Variants in IL4R observed in about 807,000 individuals in gnomAD.
The protein encoded by IL4R is interleukin-4 receptor subunit alpha.
A neutral mutation model predicts 41.5 loss-of-function variants in IL4R; 17 were observed. The observed-to-expected ratio is 0.41, with a 90% CI of 0.28 to 0.61. The LOEUF (loss-of-function observed/expected upper bound fraction) is 0.61. IL4R is among the 20% of genes least tolerant of loss of function. The pLI is 0.31. For missense variants in IL4R, 974 were observed against 1,043.1 expected (o/e 0.93, Z 0.91); for synonymous variants, 402 against 422.9 (o/e 0.95, Z 0.61).
chr16:27,320,572 C>T (rs1055694737), intron 1 of IL4R, among the ~76,000 whole-genome samples: 3 of 152,184 alleles, frequency 2.0e-5, no homozygotes, highest in South Asian at 2.1e-4. Context: ...CCCAGGGCTA[C>T]AGACCCAGAA....
At chr16:27,351,436 G>A (rs1289339561) in intron 6 of IL4R, among the ~76,000 whole-genome samples, 3 of 151,688 alleles carry the variant, frequency 2.0e-5, no homozygotes, top group African/African-American at 7.3e-5. Flanking sequence ...ACACAAAGAT[G>A]TGATTCAAAG....
rs780936509 is a variant in IL4R at position 27,361,044 on chromosome 16, G to A, written c.899+229G>A. On this transcript the variant is annotated intron_variant, in intron 10 of 10. Coordinates refer to ENST00000395762, the MANE Select transcript of IL4R (RefSeq NM_000418.4). ...AGGTACATGGTGATACCCCTTGGGA[G>A]TGCTGTTATAGTTAACAACCAGAGC... The A allele has an allele frequency of 5.6e-6, 8 of 1,420,202 alleles. No homozygotes were observed. The South Asian group carries it at 1.1e-4, about 19-fold the overall frequency. 88.0% of individuals were successfully genotyped at this position (1,420,202 alleles called of 1,614,324 possible).
At chr16:27,320,780 A>C (rs2084790861) in intron 1 of IL4R, among the ~76,000 whole-genome samples, 1 of 152,082 alleles carries the variant, frequency 6.6e-6, no homozygotes, top group African/African-American at 2.4e-5. Context: ...TCTAGGGAGG[A>C]GAGGCACCAG....
At chr16:27,333,131 A>G (rs1196870560) in intron 2 of IL4R, among the ~76,000 whole-genome samples, 1 of 151,290 alleles carries the variant, frequency 6.6e-6, no homozygotes, top group Non-Finnish European at 1.5e-5. Context: ...AGGAGAATGT[A>G]TATTCTGCTG....
chr16:27,347,144 A>G (rs1467655876), intron 6 of IL4R, among the ~76,000 whole-genome samples: 1 of 152,196 alleles, frequency 6.6e-6, no homozygotes, highest in Non-Finnish European at 1.5e-5. Flanking sequence ...GTTGTTCCCC[A>G]TGGAAGCTGG....
At chr16:27,356,012 G>A (rs1004173948) in intron 8 of IL4R, 105 bp downstream of exon 8, 2 of 727,096 alleles carry the variant, frequency 2.8e-6, no homozygotes, top group Non-Finnish European at 2.4e-6. Context: ...TCAATAATAC[G>A]CATTTACTGA....
At chr16:27,352,073 G>A (rs3024688) in intron 6 of IL4R, among the ~76,000 whole-genome samples, 5 of 152,252 alleles carry the variant, frequency 3.3e-5, no homozygotes, top group Non-Finnish European at 7.4e-5. Context: ...AGTGCTTTTT[G>A]TATACCAAAC....
chr16:27,325,299 C>G (rs2084927329), intron 1 of IL4R, among the ~76,000 whole-genome samples: 1 of 152,126 alleles, frequency 6.6e-6, no homozygotes, highest in African/African-American at 2.4e-5. Context: ...CTGCCAGACG[C>G]AGTGGCTCAC....
At position 27,344,862 on chromosome 16, in the gene IL4R, T is replaced by TATCC. The variant is rs1209490067; in HGVS notation, c.210-7_210-6insATCC. ...TGACCAGCCTAACCCAGCCCCTGTGTCTGCAGAGCCCACACGTGTATCCCT... is the reference window on the plus strand; with the variant it reads ...TGACCAGCCTAACCCAGCCCCTGTGTATCCCTGCAGAGCCCACACGTGTATCCCT... On this transcript the variant is annotated splice_region_variant and splice_polypyrimidine_tract_variant and intron_variant, in intron 4 of 10. Coordinates refer to ENST00000395762, the MANE Select transcript of IL4R (RefSeq NM_000418.4). 1 of 1,613,914 alleles carries TATCC rather than the reference T, an allele frequency of 6.2e-7. No individual in the cohort carries two copies. Among genetic ancestry groups the TATCC allele is most frequent in the Non-Finnish European group, 8.5e-7 (1 of 1,179,988 alleles).
chr16:27,334,123 C>G (rs2085188548), intron 2 of IL4R, among the ~76,000 whole-genome samples: 1 of 152,112 alleles, frequency 6.6e-6, no homozygotes, highest in African/African-American at 2.4e-5. Context: ...ACCTCATGAT[C>G]TGCCTGCCTC....
chr16:27,348,767 C>T (rs1189785494), intron 6 of IL4R, among the ~76,000 whole-genome samples: 4 of 152,294 alleles, frequency 2.6e-5, no homozygotes, highest in Non-Finnish European at 5.9e-5. Flanking sequence ...ACATACCTGC[C>T]TCTAGGGCTG....
chr16:27,324,750 C>T (rs1002342764), intron 1 of IL4R, among the ~76,000 whole-genome samples: 17 of 152,218 alleles, frequency 1.1e-4, no homozygotes, highest in Admixed American at 7.2e-4. Flanking sequence ...TCCAGGATCC[C>T]GGATGGAGTT....
intron 7 of IL4R, chr16:27,355,448 A>G (rs2086030043): frequency 9.6e-6 from 3 of 313,830 alleles, no homozygotes; most frequent in South Asian, 8.6e-5. Flanking sequence ...CATAGTACAG[A>G]TGAGGATGCG....
intron 1 of IL4R, among the ~76,000 whole-genome samples, chr16:27,328,124 C>T (rs2085011506): frequency 6.7e-6 from 1 of 148,688 alleles, no homozygotes; most frequent in African/African-American, 2.5e-5. Flanking sequence ...GCAGGAGAAT[C>T]ACTTGAACCC....
Position 27,363,612 on chromosome 16 carries a change from C to A in IL4R, c.2260C>A (p.Pro754Thr). 1 of 1,613,792 alleles carries A rather than the reference C, an allele frequency of 6.2e-7. No individual in the cohort carries two copies. Among genetic ancestry groups the A allele is most frequent in the Non-Finnish European group, 8.5e-7 (1 of 1,179,904 alleles). Reference protein sequence around the residue: ...CGCCCGDRSSPPTTPLRAPDP... With the variant: ...CGCCCGDRSSTPTTPLRAPDP... ...CTGCTGCTGTGGAGACAGGTCCTCG[C>A]CCCCTACAACCCCCCTGAGGGCCCC... is the stretch of plus-strand genomic sequence containing the variant. Residue 754 changes from proline (P) to threonine (T), a missense_variant, in exon 11 of 11, where the codon CCC (proline) becomes ACC (threonine). Coordinates refer to ENST00000395762, the MANE Select transcript of IL4R (RefSeq NM_000418.4).
At chr16:27,320,489 G>A (rs908117852) in intron 1 of IL4R, among the ~76,000 whole-genome samples, 5 of 152,150 alleles carry the variant, frequency 3.3e-5, no homozygotes, top group African/African-American at 9.7e-5. Flanking sequence ...ATTTCCCTGA[G>A]GAGGAACCTG....
At position 27,363,442 on chromosome 16, in the gene IL4R, A is replaced by G; in HGVS notation, c.2090A>G (p.Glu697Gly). The G allele has an allele frequency of 6.2e-7, 1 of 1,614,090 alleles. No individual in the cohort carries two copies. The highest frequency in any genetic ancestry group is 8.5e-7 in the Non-Finnish European group (1 of 1,180,000). Residue 697 changes from glutamate to glycine, a missense_variant, in exon 11 of 11, where the codon GAG becomes GGG. Physicochemically the swap from Glu to Gly is moderately conservative, Grantham distance 98. Around this residue, in one of 3 missense-constraint regions of IL4R, gnomAD observed 682 missense variants for 704.3 expected, o/e 0.97. Coordinates refer to ENST00000395762, the MANE Select transcript of IL4R (RefSeq NM_000418.4). ...EDMPKPPLPQ[E>G]QATDPLVDSL... Reference sequence around the variant, plus strand: ...ATGCCAAAGCCCCCACTTCCCCAGGAGCAGGCCACAGACCCCCTTGTGGAC... The same window carrying G: ...ATGCCAAAGCCCCCACTTCCCCAGGGGCAGGCCACAGACCCCCTTGTGGAC...
chr16:27,347,133 G>A (rs1239581790), intron 6 of IL4R, among the ~76,000 whole-genome samples: 2 of 152,184 alleles, frequency 1.3e-5, no homozygotes, highest in African/African-American at 2.4e-5. Context: ...TCAGTTTGTT[G>A]GTTGTTCCCC....
At position 27,345,513 on chromosome 16, in the gene IL4R, A is replaced by G. The variant is rs953380955; in HGVS notation, c.361+493A>G. On this transcript the variant is annotated intron_variant, in intron 5 of 10. Transcript: ENST00000395762. The surrounding 1 kb of genome is among the most constrained non-coding windows in gnomAD (Gnocchi z 4.5). ...ATGCGTTGTATTCCAGTGATGCATG[A>G]TATGACATGCATCACAGGAATAAAA... is the stretch of plus-strand genomic sequence containing the variant. 3.8e-6 allele frequency: 1 copy of G among 261,502 alleles called. No individual in the cohort carries two copies. Among genetic ancestry groups the G allele is most frequent in the Non-Finnish European group, 7.7e-6 (1 of 129,584 alleles). The allele number at this position is 261,502 out of a possible 1,614,324, so 16.2% of individuals were successfully genotyped here. A position where few individuals can be genotyped will look rare whatever the true frequency, so the allele number is the denominator to read the frequency against.
Sources: gnomAD v4.1 joint callset for allele counts (sites outside exome capture counted in the v4.1 genomes callset) on GRCh38, gnomAD v4.1.1 for gene constraint, gnomAD v4.1.1 regional missense constraint, Gnocchi (gnomAD v3.1) non-coding constraint, MANE v1.5 for transcripts, NCBI Gene and HGNC (gene_info 2026-07-23, HGNC 2026-07-21) for gene names.